MED13L: variants seen among roughly 807,000 people sequenced by gnomAD.
MED13L encodes the protein mediator of RNA polymerase II transcription subunit 13-like.
Under a neutral mutation model 220.9 loss-of-function variants are expected in MED13L, and 7 were observed. The observed-to-expected ratio is 0.03, with a 90% confidence interval of 0.02 to 0.06. The LOEUF (loss-of-function observed/expected upper bound fraction) is 0.06. Among genes scored for constraint, MED13L ranks in the 10% least tolerant of loss-of-function variants. MED13L has a pLI of 1.00. For missense variants in MED13L, 1,965 were observed against 2,760.5 expected (o/e 0.71, Z 6.46); for synonymous variants, 1,011 against 1,015.2 (o/e 1.00, Z 0.08).
At position 115,975,280 on chromosome 12, in the gene MED13L, A is replaced by G; in HGVS notation, c.5622T>C (p.Ile1874=). 1 of 1,614,142 alleles carries G rather than the reference A, an allele frequency of 6.2e-7. No homozygotes were observed. The highest frequency in any genetic ancestry group is 8.5e-7 in the Non-Finnish European group (1 of 1,179,986). Residue 1874 remains isoleucine (I), a synonymous_variant, in exon 25 of 31, where the codon ATT becomes ATC. Transcript: ENST00000281928. ...ACCACTCCCATAACTTCTGTAGTCC[A>G]ATTTTACGTGCAGATACTTTACTCC... The part of the protein sequence containing the change: ...SRRSKVSARK[I]GLQKLWEWCI...
intron 1 of MED13L, among the ~76,000 whole-genome samples, chr12:116,274,775 C>G (rs1315666392): frequency 6.6e-6 from 1 of 151,828 alleles, no homozygotes; most frequent in Non-Finnish European, 1.5e-5. Flanking sequence ...TTCTATGGTT[C>G]TCTAGTTCAA....
At chr12:116,260,019 G>T (rs192733213) in intron 1 of MED13L, among the ~76,000 whole-genome samples, 21 of 151,812 alleles carry the variant, frequency 1.4e-4, no homozygotes, top group Admixed American at 1.3e-3. Flanking sequence ...AACAGAAGAA[G>T]AATTGGGGTA....
At chr12:116,023,419 T>C (rs1778855120) in intron 4 of MED13L, among the ~76,000 whole-genome samples, 1 of 152,160 alleles carries the variant, frequency 6.6e-6, no homozygotes, top group African/African-American at 2.4e-5. Flanking sequence ...CGTAAGAACA[T>C]TTTCCTGATG....
At chr12:116,246,738 G>A (rs1871124330) in intron 1 of MED13L, among the ~76,000 whole-genome samples, 1 of 120,182 alleles carries the variant, frequency 8.3e-6, no homozygotes, top group Non-Finnish European at 1.7e-5. Context: ...CTGAGCTAAG[G>A]AGTTAGAGGT....
intron 23 of MED13L, among the ~76,000 whole-genome samples, chr12:115,979,397 C>G (rs1481329438): frequency 6.6e-6 from 1 of 152,090 alleles, no homozygotes; most frequent in East Asian, 1.9e-4. Context: ...TTTTGAAATT[C>G]TAGAAAAATT....
intron 4 of MED13L, among the ~76,000 whole-genome samples, chr12:116,043,475 C>A (rs1356924279): frequency 6.6e-6 from 1 of 152,140 alleles, no homozygotes; most frequent in African/African-American, 2.4e-5. Flanking sequence ...ACAGTTAACA[C>A]TATGTGGTAC....
At position 116,230,862 on chromosome 12, in the gene MED13L, A is replaced by G. The variant is rs1401079278; in HGVS notation, c.310+6606T>C. Among the ~76,000 whole-genome samples the G allele has an allele frequency of 2.0e-5, 3 of 152,234 alleles. No homozygotes were observed. In the East Asian group the frequency reaches 5.8e-4, roughly 29 times the overall value. On this transcript the variant is annotated intron_variant, in intron 2 of 30. Coordinates refer to ENST00000281928, the MANE Select transcript of MED13L (RefSeq NM_015335.5). ...ACCAGAAACCATCAAAAATCAATTGAAAGTTCACAGACTCTAAGATACACA... is the reference window on the plus strand; with the variant it reads ...ACCAGAAACCATCAAAAATCAATTGGAAGTTCACAGACTCTAAGATACACA...
intron 2 of MED13L, among the ~76,000 whole-genome samples, chr12:116,117,879 C>G (rs1874664706): frequency 6.6e-6 from 1 of 152,158 alleles, no homozygotes; most frequent in Admixed American, 6.6e-5. Flanking sequence ...ATGATCACAG[C>G]TCACTGCAGC....
At chr12:115,994,269 G>A (rs1253950654) in intron 16 of MED13L, among the ~76,000 whole-genome samples, 1 of 152,084 alleles carries the variant, frequency 6.6e-6, no homozygotes, top group Non-Finnish European at 1.5e-5. Flanking sequence ...AACACAGGGA[G>A]ACACAAACTC....
At chr12:115,968,611 C>CA (rs527490196) in intron 28 of MED13L, among the ~76,000 whole-genome samples, 85 of 152,006 alleles carry the variant, frequency 5.6e-4, no homozygotes, top group Non-Finnish European at 1.1e-3. Context: ...ACTATTTTGG[C>CA]AAAAAATAAA....
chr12:116,267,901 A>C (rs1872955532), intron 1 of MED13L, among the ~76,000 whole-genome samples: 1 of 152,236 alleles, frequency 6.6e-6, no homozygotes, highest in Non-Finnish European at 1.5e-5. Flanking sequence ...GTCTTTAATA[A>C]GGAAATTCTA....
intron 2 of MED13L, among the ~76,000 whole-genome samples, chr12:116,216,055 A>C (rs1169779951): frequency 1.3e-5 from 2 of 152,222 alleles, no homozygotes; most frequent in African/African-American, 4.8e-5. Flanking sequence ...ACCTCTCAAC[A>C]GACAAGCTGA....
intron 30 of MED13L, among the ~76,000 whole-genome samples, chr12:115,962,122 G>A (rs1156330695): frequency 6.6e-6 from 1 of 151,986 alleles, no homozygotes; most frequent in Non-Finnish European, 1.5e-5. Flanking sequence ...ATTTTAATGT[G>A]GCTAACAGAA....
At chr12:116,051,078 G>T (rs61939674) in intron 4 of MED13L, among the ~76,000 whole-genome samples, 7,250 of 151,988 alleles carry the variant, frequency 0.048, 241 homozygotes, top group Non-Finnish European at 0.076. Flanking sequence ...AAATTAGGAA[G>T]CCCAAATTTT....
intron 2 of MED13L, among the ~76,000 whole-genome samples, chr12:116,147,309 A>G (rs2138073613): frequency 1.3e-5 from 2 of 152,362 alleles, no homozygotes; most frequent in Middle Eastern, 6.8e-3. Context: ...CTTTACTTGT[A>G]TAATTTGGCA....
At chr12:116,196,701 CTGA>C (rs1206778397) in intron 2 of MED13L, among the ~76,000 whole-genome samples, 1 of 152,098 alleles carries the variant, frequency 6.6e-6, no homozygotes, top group Non-Finnish European at 1.5e-5. Context: ...AGTAATAATG[CTGA>C]TAATTTAGGC....
chr12:116,023,920 A>ATT (rs1184984336), intron 4 of MED13L, among the ~76,000 whole-genome samples: 1 of 152,340 alleles, frequency 6.6e-6, no homozygotes, highest in South Asian at 2.1e-4. Flanking sequence ...TCCTTTATGA[A>ATT]AATGACACTA....
rs1209137129 is a variant in MED13L at position 115,966,260 on chromosome 12, C to A, written c.6226-17G>T. The A allele has an allele frequency of 4.3e-6, 7 of 1,613,854 alleles. No individual in the cohort carries two copies. Among genetic ancestry groups the A allele is most frequent in the Admixed American group, 3.3e-5 (2 of 60,008 alleles). On this transcript the variant is annotated splice_polypyrimidine_tract_variant and intron_variant, in intron 28 of 30. Transcript: ENST00000281928. ...ACCCTGGCTCTGAAAAACAAAAATCCCAAAAACATGATCAGCATTTATCTT... is the reference window on the plus strand; with the variant it reads ...ACCCTGGCTCTGAAAAACAAAAATCACAAAAACATGATCAGCATTTATCTT...
chr12:116,197,557 A>C (rs1231956251), intron 2 of MED13L, among the ~76,000 whole-genome samples: 1 of 152,150 alleles, frequency 6.6e-6, no homozygotes, highest in African/African-American at 2.4e-5. Context: ...ACCTGAGGTC[A>C]GGAGTTCAAG....
Sources: gnomAD v4.1 joint callset for allele counts (sites outside exome capture counted in the v4.1 genomes callset) on GRCh38, gnomAD v4.1.1 for gene constraint, MANE v1.5 for transcripts, NCBI Gene and HGNC (gene_info 2026-07-23, HGNC 2026-07-21) for gene names.